PKHD1: variants seen among roughly 807,000 people sequenced by gnomAD.
PKHD1 encodes the protein fibrocystin.
A neutral mutation model predicts 412.0 loss-of-function variants in PKHD1; 291 were observed. The observed-to-expected ratio is 0.71, with a 90% confidence interval of 0.64 to 0.78. The LOEUF is 0.78. PKHD1 is among the 30% of genes least tolerant of loss of function. The pLI is 0.00. For synonymous variants in PKHD1, 1,777 were observed against 1,821.5 expected (o/e 0.98, Z 0.62); for missense variants, 4,825 against 4,950.7 (o/e 0.97, Z 0.76).
intron 36 of PKHD1, among the ~76,000 whole-genome samples, chr6:51,943,990 C>T (rs1329845244): frequency 6.6e-6 from 1 of 151,812 alleles, no homozygotes; most frequent in Non-Finnish European, 1.5e-5. Context: ...GAATGTCAGG[C>T]CTCTGAGCCC....
Position 51,762,665 on chromosome 6 carries a change from A to ATTTT in PKHD1, c.8643-7731_8643-7728dup, listed in dbSNP as rs142571019. Among the ~76,000 whole-genome samples, 144 of 146,354 alleles carry ATTTT rather than the reference A, an allele frequency of 9.8e-4. 1 individual carries two copies. Among genetic ancestry groups the ATTTT allele is most frequent in the East Asian group, 4.9e-3 (25 of 5,102 alleles). ...ATTATTCACATATATATATATATAT[A>ATTTT]TTTTCAGGTATCAAATTCTTTTGGT... On this transcript the variant is annotated intron_variant, in intron 55 of 66. Coordinates refer to ENST00000371117, the MANE Select transcript of PKHD1 (RefSeq NM_138694.4).
intron 35 of PKHD1, among the ~76,000 whole-genome samples, chr6:51,999,519 A>G (rs541212805): frequency 1.3e-5 from 2 of 152,232 alleles, no homozygotes; most frequent in Non-Finnish European, 2.9e-5. Flanking sequence ...TTTCCTAATA[A>G]AGATGTGCAT....
At chr6:51,677,603 C>T (rs891119085) in intron 60 of PKHD1, among the ~76,000 whole-genome samples, 4 of 152,228 alleles carry the variant, frequency 2.6e-5, no homozygotes, top group Admixed American at 6.5e-5. Flanking sequence ...ACAAGAAAAA[C>T]GGAAAACTAC....
At chr6:51,880,779 T>TAAAAAAAAAAAAAA (rs71544105) in intron 46 of PKHD1, among the ~76,000 whole-genome samples, 39 of 30,042 alleles carry the variant, frequency 1.3e-3, no homozygotes, top group Admixed American at 1.7e-3. Context: ...AAAAAAAAAT[T>TAAAAAAAAAAAAAA]AAAAAAAAAA....
At position 51,791,379 on chromosome 6, in the gene PKHD1, G is replaced by C; in HGVS notation, c.8303-6C>G. 2.5e-6 allele frequency: 4 copies of C among 1,613,216 alleles called. No homozygotes were observed. The highest frequency in any genetic ancestry group is 3.4e-6 in the Non-Finnish European group (4 of 1,179,328). ...ATCCACAAGGACAGTTCTGTCTGTG[G>C]AAGAAAAAGAAATTGCTCAGATATG... On this transcript the variant is annotated splice_region_variant and splice_polypyrimidine_tract_variant and intron_variant, in intron 52 of 66. Coordinates refer to ENST00000371117, the MANE Select transcript of PKHD1 (RefSeq NM_138694.4).
At chr6:52,019,475 A>G (rs939525802) in intron 33 of PKHD1, among the ~76,000 whole-genome samples, 7 of 152,258 alleles carry the variant, frequency 4.6e-5, no homozygotes, top group African/African-American at 1.7e-4. Context: ...ACAAAACATA[A>G]GAACTTTCCA....
chr6:51,769,619 C>T (rs1210973098), intron 55 of PKHD1, among the ~76,000 whole-genome samples: 1 of 151,404 alleles, frequency 6.6e-6, no homozygotes, highest in Admixed American at 6.6e-5. Context: ...TCACCAATTT[C>T]TGCCTTTTTC....
At chr6:52,007,899 TC>T (rs11326903) in intron 35 of PKHD1, among the ~76,000 whole-genome samples, 43,607 of 152,006 alleles carry the variant, frequency 0.29, 6,469 homozygotes, top group East Asian at 0.46. Context: ...CTTGTTCTAT[TC>T]TTTAGGGTCC....
At chr6:51,705,906 T>TA (rs1779965140) in intron 60 of PKHD1, among the ~76,000 whole-genome samples, 1 of 152,174 alleles carries the variant, frequency 6.6e-6, no homozygotes, top group African/African-American at 2.4e-5. Context: ...TTATGTCTTA[T>TA]ATACAGACAG....
At chr6:51,701,741 T>C (rs1012706138) in intron 60 of PKHD1, among the ~76,000 whole-genome samples, 4 of 151,984 alleles carry the variant, frequency 2.6e-5, no homozygotes, top group Non-Finnish European at 5.9e-5. Flanking sequence ...ATTGGAAAGA[T>C]TTTTAGAAAC....
chr6:51,863,314 C>G (rs909198572), intron 48 of PKHD1, among the ~76,000 whole-genome samples: 1 of 152,098 alleles, frequency 6.6e-6, no homozygotes, highest in Non-Finnish European at 1.5e-5. Flanking sequence ...GTCAGCCAAC[C>G]TACAAAATCT....
chr6:51,930,695 A>C (rs1343313798), intron 37 of PKHD1, among the ~76,000 whole-genome samples: 2 of 152,226 alleles, frequency 1.3e-5, no homozygotes, highest in Non-Finnish European at 2.9e-5. Flanking sequence ...GCTGCTGAAT[A>C]TTAGGAACCA....
intron 53 of PKHD1, 33 bp from the exon 54 acceptor site, chr6:51,775,954 A>T: frequency 1.0e-6 from 1 of 961,550 alleles, no homozygotes; most frequent in Non-Finnish European, 1.7e-6. Context: ...CATTCAAATC[A>T]ATTTGAAATT....
At chr6:51,660,471 C>A (rs1295070185) in intron 60 of PKHD1, among the ~76,000 whole-genome samples, 1 of 152,070 alleles carries the variant, frequency 6.6e-6, no homozygotes, top group African/African-American at 2.4e-5. Context: ...GCAGACTCCA[C>A]AAGGTAAGGG....
chr6:51,958,405 T>A (rs542517731), intron 36 of PKHD1, among the ~76,000 whole-genome samples: 55 of 152,240 alleles, frequency 3.6e-4, no homozygotes, highest in Admixed American at 2.4e-3. Flanking sequence ...GCTCAGATAT[T>A]TAAATCCTTA....
chr6:51,841,862 G>A (rs1281826724), intron 50 of PKHD1, among the ~76,000 whole-genome samples: 1 of 152,176 alleles, frequency 6.6e-6, no homozygotes, highest in African/African-American at 2.4e-5. Context: ...TTGGCTCCAG[G>A]GCCCTTGTTG....
rs576335585 is a variant in PKHD1, at chr6:51,856,367, C to T, written c.7734-297G>A. 3.3e-5 allele frequency among the ~76,000 whole-genome samples: 5 copies of T among 152,318 alleles called. No homozygotes were observed. The South Asian group carries it at 8.3e-4, about 25-fold the overall frequency. ...TGTTTTTCTCCTTGAGACGGAGTTT[C>T]GCTCTTGTTGCCCATGCTGGAGTGC... On this transcript the variant is annotated intron_variant, in intron 48 of 66. Transcript: ENST00000371117.
intron 64 of PKHD1, among the ~76,000 whole-genome samples, chr6:51,636,624 C>T (rs1253407561): frequency 2.0e-5 from 3 of 152,010 alleles, no homozygotes; most frequent in African/African-American, 7.2e-5. Flanking sequence ...TAACATAAAA[C>T]AATGCTTATC....
At chr6:51,851,334 T>C (rs6921941) in intron 49 of PKHD1, among the ~76,000 whole-genome samples, 43,328 of 152,188 alleles carry the variant, frequency 0.28, 6,558 homozygotes, top group Middle Eastern at 0.44. Flanking sequence ...TTGATGTTCA[T>C]CAGGGATATT....
Sources: gnomAD v4.1 joint callset for allele counts (sites outside exome capture counted in the v4.1 genomes callset) on GRCh38, gnomAD v4.1.1 for gene constraint, MANE v1.5 for transcripts, NCBI Gene and HGNC (gene_info 2026-07-23, HGNC 2026-07-21) for gene names.